SYNPO2: variants seen among roughly 807,000 people sequenced by gnomAD.
The protein encoded by SYNPO2 is synaptopodin 2, also known as synaptopodin-2.
A neutral mutation model predicts 85.0 loss-of-function variants in SYNPO2; 56 were observed. The observed-to-expected ratio is 0.66, with a 90% CI of 0.53 to 0.82. The LOEUF (loss-of-function observed/expected upper bound fraction) is 0.82. SYNPO2 is among the 40% of genes least tolerant of loss of function. SYNPO2 has a pLI of 0.00. For missense variants in SYNPO2, 1,575 were observed against 1,534.2 expected, an observed-to-expected ratio of 1.03 and a Z score of -0.44; for synonymous variants, 602 against 591.1, an observed-to-expected ratio of 1.02 and a Z score of -0.27.
chr4:119,018,592 C>T (rs1385195504), intron 1 of SYNPO2, among the ~76,000 whole-genome samples: 1 of 152,048 alleles, frequency 6.6e-6, no homozygotes, highest in Non-Finnish European at 1.5e-5. Flanking sequence ...ACATCCTTGC[C>T]AGCATTCATT....
At position 118,901,618 on chromosome 4, in the gene SYNPO2, A is replaced by C. The variant is rs182101614; in HGVS notation, c.105+12477A>C. Among the ~76,000 whole-genome samples the C allele has an allele frequency of 1.5e-4, 23 of 152,338 alleles. No homozygotes were observed. In the East Asian group the frequency reaches 4.2e-3, roughly 28 times the overall value. ...TTCCTTTCAGACGTATTTTAATAGG[A>C]ATCATTTTGTGAGAGTCAATTTCCT... On this transcript the variant is annotated intron_variant, in intron 1 of 4. Transcript: ENST00000307142.
chr4:119,046,904 T>C (rs1346001631), intron 4 of SYNPO2, among the ~76,000 whole-genome samples: 1 of 152,232 alleles, frequency 6.6e-6, no homozygotes, highest in Non-Finnish European at 1.5e-5. Context: ...AACTTTTTGT[T>C]TAAAAGTCTG....
chr4:118,964,786 G>C (rs1243907919), intron 1 of SYNPO2, among the ~76,000 whole-genome samples: 2 of 152,088 alleles, frequency 1.3e-5, no homozygotes, highest in Non-Finnish European at 1.5e-5. Flanking sequence ...TTGTGCTGGA[G>C]ATGTAGATGT....
chr4:119,026,499 G>A, intron 2 of SYNPO2, 128 bp from the exon 3 acceptor site: 1 of 1,016,670 alleles, frequency 9.8e-7, no homozygotes, highest in Non-Finnish European at 1.4e-6. Context: ...CAAATATGTT[G>A]CAACTGACAT....
At chr4:118,871,065 G>A (rs1377978327) in intron 1 of SYNPO2, among the ~76,000 whole-genome samples, 1 of 152,126 alleles carries the variant, frequency 6.6e-6, no homozygotes, top group African/African-American at 2.4e-5. Flanking sequence ...ATACCTACCT[G>A]TCCTATCTCT....
chr4:118,983,232 C>T (rs1736096225), intron 1 of SYNPO2, among the ~76,000 whole-genome samples: 1 of 152,102 alleles, frequency 6.6e-6, no homozygotes. Flanking sequence ...TCAAACATCT[C>T]CCTACCTCCA....
intron 1 of SYNPO2, among the ~76,000 whole-genome samples, chr4:118,970,300 A>G (rs1735489121): frequency 6.6e-6 from 1 of 152,234 alleles, no homozygotes; most frequent in Non-Finnish European, 1.5e-5. Flanking sequence ...AGAACAAAAT[A>G]TAGATAAATA....
At chr4:118,976,311 A>G (rs925181948) in intron 1 of SYNPO2, among the ~76,000 whole-genome samples, 1 of 151,990 alleles carries the variant, frequency 6.6e-6, no homozygotes, top group Non-Finnish European at 1.5e-5. Context: ...GGAGTTATTC[A>G]TTCCTCCCGC....
intron 1 of SYNPO2, among the ~76,000 whole-genome samples, chr4:119,013,312 A>G (rs937360802): frequency 6.6e-6 from 1 of 152,196 alleles, no homozygotes; most frequent in African/African-American, 2.4e-5. Context: ...TTTTTATTAA[A>G]TCTTGAATGC....
In SYNPO2 at chr4:118,896,615, C is replaced by T. The variant is rs1450943957; in HGVS notation, c.105+7474C>T. Among the ~76,000 whole-genome samples, 4 of 152,112 alleles carry T rather than the reference C, an allele frequency of 2.6e-5. No individual in the cohort carries two copies. In the East Asian group the frequency reaches 5.8e-4, roughly 22 times the overall value. ...TTATGGTTTTGGATTACTTTAGGCA[C>T]CTAGTGTTTCTAAATCGTCTATCAT... On this transcript the variant is annotated intron_variant, in intron 1 of 4. Transcript: ENST00000307142.
chr4:118,910,389 A>G (rs149914515), intron 1 of SYNPO2, among the ~76,000 whole-genome samples: 1 of 152,234 alleles, frequency 6.6e-6, no homozygotes, highest in Non-Finnish European at 1.5e-5. Context: ...CTATACTCAT[A>G]TCTGAAGGAG....
intron 4 of SYNPO2, among the ~76,000 whole-genome samples, chr4:119,054,853 T>C (rs1008052570): frequency 6.6e-6 from 1 of 152,212 alleles, no homozygotes; most frequent in East Asian, 1.9e-4. Context: ...TCCACCTCTG[T>C]CTGCCTAGAA....
At chr4:119,019,890 T>A (rs1737652925) in intron 1 of SYNPO2, among the ~76,000 whole-genome samples, 1 of 152,196 alleles carries the variant, frequency 6.6e-6, no homozygotes, top group African/African-American at 2.4e-5. Context: ...ATAAGTTCAC[T>A]GATAGAGAAT....
intron 4 of SYNPO2, chr4:119,036,914 T>C (rs1738535775): frequency 1.7e-6 from 2 of 1,192,700 alleles, no homozygotes; most frequent in Non-Finnish European, 2.1e-6. Flanking sequence ...TGCCAGCCAA[T>C]AAAGTGCATC....
chr4:118,904,671 C>T (rs929542953), intron 1 of SYNPO2, among the ~76,000 whole-genome samples: 5 of 151,894 alleles, frequency 3.3e-5, no homozygotes, highest in Admixed American at 3.3e-4. Flanking sequence ...AATTACAAGA[C>T]CTTATTACTA....
chr4:119,053,063 A>G (rs369226896), intron 4 of SYNPO2, among the ~76,000 whole-genome samples: 13 of 152,334 alleles, frequency 8.5e-5, no homozygotes, highest in East Asian at 5.8e-4. Context: ...CCAGCGTCAG[A>G]CATTCAAACT....
At chr4:118,868,567 T>C (rs1008492203) in intron 1 of SYNPO2, among the ~76,000 whole-genome samples, 6 of 152,178 alleles carry the variant, frequency 3.9e-5, no homozygotes, top group African/African-American at 1.4e-4. Context: ...AGAGAAGGAA[T>C]TTTTCATATA....
intron 4 of SYNPO2, chr4:119,037,122 A>G: frequency 6.5e-7 from 1 of 1,538,564 alleles, no homozygotes; most frequent in Non-Finnish European, 8.8e-7. Flanking sequence ...GTGAAATGTA[A>G]ATCTGGGATC....
chr4:118,932,438 T>G (rs1465891212), intron 1 of SYNPO2, among the ~76,000 whole-genome samples: 2 of 152,244 alleles, frequency 1.3e-5, no homozygotes, highest in African/African-American at 4.8e-5. Flanking sequence ...AATAAAATAT[T>G]TTATCCTATG....
Sources: gnomAD v4.1 joint callset for allele counts (sites outside exome capture counted in the v4.1 genomes callset) on GRCh38, gnomAD v4.1.1 for gene constraint, MANE v1.5 for transcripts, NCBI Gene and HGNC (gene_info 2026-07-23, HGNC 2026-07-21) for gene names.